NDUFAF7: variants seen among roughly 807,000 people sequenced by gnomAD.
The protein encoded by NDUFAF7 is NADH:ubiquinone oxidoreductase complex assembly factor 7, also known as protein arginine methyltransferase NDUFAF7, mitochondrial.
In NDUFAF7, 48 loss-of-function variants were observed where a neutral mutation model predicts 47.2. The ratio of observed to expected loss-of-function variants is 1.02; its 90% CI spans 0.81 to 1.29. NDUFAF7 has a LOEUF of 1.29. Ranked by LOEUF, NDUFAF7 falls within the 50% of genes most tolerant of loss-of-function variation. NDUFAF7 has a pLI of 0.00. For synonymous variants in NDUFAF7, 217 were observed against 190.0 expected, an observed-to-expected ratio of 1.14 and a Z score of -1.17; for missense variants, 635 against 537.6, an observed-to-expected ratio of 1.18 and a Z score of -1.79.
chr2:37,241,513 A>T, intron 4 of NDUFAF7, 65 bp from the exon 5 acceptor site: 2 of 1,281,880 alleles, frequency 1.6e-6, no homozygotes, highest in Non-Finnish European at 2.2e-6. Context: ...TCATTGATGT[A>T]AATGATTAGG....
chr2:37,260,174 A>G, the NDUFAF7 span: 21,376 of 1,517,188 alleles, frequency 0.014, 2,627 homozygotes, highest in African/African-American at 0.27. Flanking sequence ...TAAAAAAAAA[A>G]AAATTAGTTT....
Position 37,248,662 on chromosome 2 carries a change from C to G in NDUFAF7, c.*312C>G, listed in dbSNP as rs536467213. On this transcript the variant is annotated 3_prime_UTR_variant, in exon 10 of 10. Transcript: ENST00000002125. ...GGGCGTGGTGGCTCATGCCTGTAAT[C>G]CCAGCACTTTGGGAGGCTGAGGTGG... 2 of 361,274 alleles carry G rather than the reference C, an allele frequency of 5.5e-6. No individual in the cohort carries two copies. Among genetic ancestry groups the G allele is most frequent in the East Asian group, 7.1e-5 (1 of 14,146 alleles). 22.4% of individuals were successfully genotyped at this position (361,274 alleles called of 1,614,324 possible).
Position 37,241,778 on chromosome 2 carries a change from C to A in NDUFAF7, c.609C>A (p.His203Gln), listed in dbSNP as rs377122834. The change falls in exon 5 of 10, where the codon CAC (histidine) becomes CAA (glutamine). Residue 203 changes from histidine (H) to glutamine (Q), a missense_variant. Coordinates refer to ENST00000002125, the MANE Select transcript of NDUFAF7 (RefSeq NM_144736.5). ...GIPISWYRDL[H>Q]DVPKGYSFYL... is the part of the protein sequence containing the mutation. ...CAATTTCCTGGTACCGAGATCTGCA[C>A]GATGTTCCAAAAGGTAATTACCTTT... is the stretch of plus-strand genomic sequence containing the variant. 2.5e-6 allele frequency: 4 copies of A among 1,613,344 alleles called. No individual in the cohort carries two copies. The Admixed American group carries it at 6.7e-5, about 27-fold the overall frequency.
chr2:37,247,905 C>T (rs930323964), intron 9 of NDUFAF7, among the ~76,000 whole-genome samples: 1 of 152,188 alleles, frequency 6.6e-6, no homozygotes, highest in Non-Finnish European at 1.5e-5. Context: ...AACACCTAAA[C>T]CTTACTGTAG....
downstream of NDUFAF7, chr2:37,254,299 A>G (rs1667761147): frequency 6.2e-7 from 1 of 1,603,570 alleles, no homozygotes; most frequent in African/African-American, 1.3e-5. Context: ...GCTAAGGGAA[A>G]AGACAAAACA....
rs766871173 is a variant in NDUFAF7, at chr2:37,248,632, C to T, written c.*282C>T. The T allele has an allele frequency of 8.9e-5, 35 of 392,880 alleles. No individual in the cohort carries two copies. The highest frequency in any genetic ancestry group is 8.3e-4 in the Middle Eastern group (1 of 1,202). The allele number at this position is 392,880 out of a possible 1,614,324, so 24.3% of individuals were successfully genotyped here. ...TATTTTATTTTAAAAAGTAAACATG[C>T]GGCTGGGCGTGGTGGCTCATGCCTG... On this transcript the variant is annotated 3_prime_UTR_variant, in exon 10 of 10. Coordinates refer to ENST00000002125, the MANE Select transcript of NDUFAF7 (RefSeq NM_144736.5).
the NDUFAF7 span, among the ~76,000 whole-genome samples, chr2:37,258,556 G>A: frequency 6.6e-6 from 1 of 152,206 alleles, no homozygotes; most frequent in South Asian, 2.1e-4. Flanking sequence ...TCAGAAAGTG[G>A]GAGTTTTAAT....
rs767010551 is a variant in NDUFAF7, at chr2:37,241,666, C to T, written c.497C>T (p.Ala166Val). The change falls in exon 5 of 10, where the codon GCA becomes GTA. Residue 166 changes from alanine (A) to valine (V), a missense_variant. Ala to Val is a moderately conservative substitution (Grantham distance 64, BLOSUM62 0). Transcript: ENST00000002125. ...EVSQKLSEIQ[A>V]LTLTKEKVPL... is the part of the protein sequence containing the mutation. ...AGCCAAAAATTAAGTGAGATTCAAG[C>T]ATTGACACTGACTAAAGAGAAGGTC... 5 of 1,613,908 alleles carry T rather than the reference C, an allele frequency of 3.1e-6. No homozygotes were observed. The South Asian group carries it at 4.4e-5, about 14-fold the overall frequency.
chr2:37,253,458 A>G (rs1330136973), downstream of NDUFAF7: 2 of 868,894 alleles, frequency 2.3e-6, no homozygotes, highest in African/African-American at 3.4e-5. Context: ...TAGTCAAATA[A>G]TTGACAGGCG....
chr2:37,232,197 CAAAATA>C lies in NDUFAF7; in HGVS notation c.150_155del (p.Ile51_Lys52del), dbSNP rs1203952836. The C allele has an allele frequency of 6.2e-7, 1 of 1,614,100 alleles. No homozygotes were observed. Among genetic ancestry groups the C allele is most frequent in the Non-Finnish European group, 8.5e-7 (1 of 1,180,038 alleles). Reference sequence around the variant, plus strand: ...CGCCGATGCTGCGGCATCTTATGTACAAAATAAAGTCTACTGGTCCCATCACTGTGG... The same window carrying C: ...CGCCGATGCTGCGGCATCTTATGTACAAGTCTACTGGTCCCATCACTGTGG... On this transcript the variant is annotated inframe_deletion, in exon 2 of 10. Coordinates refer to ENST00000002125, the MANE Select transcript of NDUFAF7 (RefSeq NM_144736.5).
chr2:37,243,536 TGAG>T (rs1666574347), intron 6 of NDUFAF7, among the ~76,000 whole-genome samples: 2 of 152,192 alleles, frequency 1.3e-5, no homozygotes, highest in South Asian at 2.1e-4. Context: ...TGGTAATTTG[TGAG>T]GAGAAGAGCA....
downstream of NDUFAF7, chr2:37,251,533 T>C (rs1168097455): frequency 6.6e-6 from 1 of 152,392 alleles, no homozygotes; most frequent in Non-Finnish European, 1.5e-5. Flanking sequence ...TACTATTCTT[T>C]CAAGGATATT....
At chr2:37,268,054 C>A in the NDUFAF7 span, 1 of 195,590 alleles carries the variant, frequency 5.1e-6, no homozygotes, top group Non-Finnish European at 1.0e-5. Flanking sequence ...CAGTCATTCC[C>A]TCATTTATTA....
intron 1 of NDUFAF7, 42 bp downstream of exon 1, chr2:37,231,802 G>C: frequency 6.2e-7 from 1 of 1,612,856 alleles, no homozygotes; most frequent in Non-Finnish European, 8.5e-7. Context: ...CGTGGAAGCC[G>C]CGTGGGGCGC....
the NDUFAF7 span, among the ~76,000 whole-genome samples, chr2:37,264,267 TCTAA>T: frequency 3.9e-5 from 6 of 152,216 alleles, no homozygotes; most frequent in African/African-American, 1.4e-4. Context: ...TTTTTTTCAA[TCTAA>T]CAATGTATTG....
the NDUFAF7 span, among the ~76,000 whole-genome samples, chr2:37,261,901 G>A: frequency 6.6e-6 from 1 of 152,304 alleles, no homozygotes; most frequent in East Asian, 1.9e-4. Flanking sequence ...TTGAATACCT[G>A]CACAACCATT....
the NDUFAF7 span, among the ~76,000 whole-genome samples, chr2:37,261,643 G>A: frequency 6.6e-6 from 1 of 151,698 alleles, no homozygotes; most frequent in Non-Finnish European, 1.5e-5. Context: ...AGCCGGGTGT[G>A]GTGGCGCAAG....
intron 5 of NDUFAF7, chr2:37,242,138 G>A (rs773132861): frequency 6.6e-6 from 2 of 303,522 alleles, no homozygotes; most frequent in Non-Finnish European, 1.2e-5. Context: ...GTTTAGTTCA[G>A]TTATAGAGTC....
chr2:37,247,440 T>C lies in NDUFAF7; in HGVS notation c.937-16T>C. 2 of 1,613,502 alleles carry C rather than the reference T, an allele frequency of 1.2e-6. No individual in the cohort carries two copies. Among genetic ancestry groups the C allele is most frequent in the East Asian group, 4.5e-5 (2 of 44,858 alleles). On this transcript the variant is annotated splice_polypyrimidine_tract_variant and intron_variant, in intron 8 of 9. Transcript: ENST00000002125. ...TAACCATAAAAGGGCAAAAATCTGA[T>C]TTCTTTATGTTCAAGGGGTTTTGCG...
Sources: allele counts gnomAD v4.1 joint callset (sites outside exome capture counted in the v4.1 genomes callset), GRCh38; gene constraint gnomAD v4.1.1; transcripts MANE v1.5; gene names NCBI Gene and HGNC (gene_info 2026-07-23, HGNC 2026-07-21).